Variants in DLGAP1 observed in about 807,000 individuals in gnomAD.
The protein encoded by DLGAP1 is disks large-associated protein 1.
DLGAP1 carries 11 observed loss-of-function variants against 90.8 expected under a neutral mutation model. The ratio of observed to expected loss-of-function variants is 0.12; its 90% CI spans 0.08 to 0.20. DLGAP1 has a LOEUF of 0.20. Among genes scored for constraint, DLGAP1 ranks in the 10% least tolerant of loss-of-function variants. The probability of loss-of-function intolerance (pLI) is 1.00; values close to 1 mark genes in which losing one functional copy is unlikely to be tolerated. For missense variants in DLGAP1, 1,050 were observed against 1,333.8 expected (o/e 0.79, Z 3.31); for synonymous variants, 558 against 540.7 (o/e 1.03, Z -0.44).
At chr18:4,269,354 A>ATATTTT (rs1247401948) in intron 1 of DLGAP1, among the ~76,000 whole-genome samples, 49 of 132,108 alleles carry the variant, frequency 3.7e-4, no homozygotes, top group Admixed American at 1.8e-3. Flanking sequence ...ATATATATAT[A>ATATTTT]TTTTTTTTTT....
chr18:4,198,510 C>T (rs1410680932), intron 1 of DLGAP1, among the ~76,000 whole-genome samples: 3 of 152,152 alleles, frequency 2.0e-5, no homozygotes, highest in Non-Finnish European at 2.9e-5. Context: ...ACATTTAACG[C>T]ATCAGACAGT....
intron 1 of DLGAP1, among the ~76,000 whole-genome samples, chr18:4,392,890 C>T (rs182998333): frequency 1.4e-4 from 21 of 152,260 alleles, no homozygotes; most frequent in African/African-American, 3.6e-4. Flanking sequence ...ATGGCACTCC[C>T]GGCCAACCAT....
intron 3 of DLGAP1, among the ~76,000 whole-genome samples, chr18:3,964,359 A>G (rs999553620): frequency 5.3e-5 from 8 of 152,214 alleles, no homozygotes; most frequent in Admixed American, 3.9e-4. Flanking sequence ...CCTGTTAATG[A>G]TGTGAACTGG....
At chr18:3,990,631 A>G (rs904877974) in intron 3 of DLGAP1, among the ~76,000 whole-genome samples, 1 of 47,222 alleles carries the variant, frequency 2.1e-5, no homozygotes, top group Non-Finnish European at 7.9e-5. Context: ...CTTAAAATAT[A>G]ATAATAATAA....
chr18:3,732,133 T>C (rs886948074), intron 6 of DLGAP1, among the ~76,000 whole-genome samples: 2 of 152,236 alleles, frequency 1.3e-5, no homozygotes, highest in African/African-American at 4.8e-5. Flanking sequence ...GAGGTTCCCA[T>C]AGTCTGGGTT....
intron 2 of DLGAP1, among the ~76,000 whole-genome samples, chr18:4,140,415 C>A (rs565796027): frequency 6.6e-6 from 1 of 151,972 alleles, no homozygotes; most frequent in Non-Finnish European, 1.5e-5. Flanking sequence ...AATAAAAACT[C>A]TACACTTTAA....
At chr18:3,502,244 T>G in intron 12 of DLGAP1, 1 of 1,355,388 alleles carries the variant, frequency 7.4e-7, no homozygotes, top group African/African-American at 1.5e-5. Flanking sequence ...AAAGTTTAAT[T>G]AACAAAAAAA....
chr18:3,835,111 T>G (rs562322183), intron 4 of DLGAP1, among the ~76,000 whole-genome samples: 1 of 152,342 alleles, frequency 6.6e-6, no homozygotes, highest in South Asian at 2.1e-4. Context: ...ATATGGCCTG[T>G]GTCAGTCTGT....
chr18:3,646,097 A>G (rs2059106367), intron 7 of DLGAP1, among the ~76,000 whole-genome samples: 1 of 152,178 alleles, frequency 6.6e-6, no homozygotes, highest in Non-Finnish European at 1.5e-5. Context: ...CTCCAAAACA[A>G]TATTTTTAAA....
At chr18:4,133,542 G>A (rs1489781150) in intron 2 of DLGAP1, among the ~76,000 whole-genome samples, 2 of 152,078 alleles carry the variant, frequency 1.3e-5, no homozygotes, top group East Asian at 3.9e-4. Context: ...TTTATACATG[G>A]CCACAGGAAG....
intron 7 of DLGAP1, among the ~76,000 whole-genome samples, chr18:3,592,889 AAAAAGAAAAAG>A (rs2056352537): frequency 1.5e-4 from 9 of 59,634 alleles, no homozygotes; most frequent in Non-Finnish European, 2.4e-4. Flanking sequence ...AAAGAAAAAG[AAAAAGAAAAAG>A]AAAAAGAAAA....
intron 2 of DLGAP1, among the ~76,000 whole-genome samples, chr18:4,061,356 T>C (rs35325872): frequency 0.44 from 65,748 of 149,082 alleles, 15,193 homozygotes; most frequent in African/African-American, 0.61. Flanking sequence ...TTGAGGAAGT[T>C]GTGGAAGGTT....
At chr18:4,053,249 C>T (rs1309447238) in intron 2 of DLGAP1, among the ~76,000 whole-genome samples, 2 of 152,128 alleles carry the variant, frequency 1.3e-5, no homozygotes, top group Admixed American at 1.3e-4. Flanking sequence ...GCTGGTGAGG[C>T]CTCAGGAAAC....
In DLGAP1 at chr18:3,499,418, A is replaced by G. The variant is rs2049811805; in HGVS notation, c.2725-24T>C. The G allele has an allele frequency of 6.5e-7, 1 of 1,547,530 alleles. No homozygotes were observed. The highest frequency in any genetic ancestry group is 8.7e-7 in the Non-Finnish European group (1 of 1,145,828). On this transcript the variant is annotated intron_variant, in intron 12 of 12. Transcript: ENST00000315677. This position sits in a 1 kb window ranked among gnomAD's most constrained non-coding sequence, Gnocchi z 6.4. ...TCCTGATCAAAGCAGAAGGTTCAGG[A>G]CATTACACAGCTTCTCAGGACAAGC...
chr18:3,570,966 C>G (rs12954924), intron 8 of DLGAP1, among the ~76,000 whole-genome samples: 6 of 150,080 alleles, frequency 4.0e-5, no homozygotes, highest in African/African-American at 1.5e-4. Flanking sequence ...ACAGAACAAA[C>G]CAAAACAAAA....
chr18:3,721,158 C>A (rs965499299), intron 7 of DLGAP1, among the ~76,000 whole-genome samples: 23 of 152,082 alleles, frequency 1.5e-4, no homozygotes, highest in Admixed American at 1.4e-3. Flanking sequence ...TTCTGATTGA[C>A]CTTTGTAACT....
chr18:3,932,915 T>C (rs1475544107), intron 3 of DLGAP1, among the ~76,000 whole-genome samples: 2 of 152,134 alleles, frequency 1.3e-5, no homozygotes, highest in Non-Finnish European at 2.9e-5. Context: ...CATGCCTGAT[T>C]CCTACTGAAG....
chr18:3,647,470 CT>C (rs752082348), intron 7 of DLGAP1, among the ~76,000 whole-genome samples: 13,608 of 142,458 alleles, frequency 0.096, 1,092 homozygotes, highest in African/African-American at 0.22. Flanking sequence ...ATTTAAGCTC[CT>C]TTTTTTTTTT....
At chr18:3,889,984 G>A (rs2071417780) in intron 3 of DLGAP1, among the ~76,000 whole-genome samples, 1 of 152,204 alleles carries the variant, frequency 6.6e-6, no homozygotes, top group Admixed American at 6.5e-5. Flanking sequence ...TGTAGGTCTA[G>A]TCAGGCCTGG....
Sources: gnomAD v4.1 joint callset for allele counts (sites outside exome capture counted in the v4.1 genomes callset) on GRCh38, gnomAD v4.1.1 for gene constraint, Gnocchi (gnomAD v3.1) non-coding constraint, MANE v1.5 for transcripts, NCBI Gene and HGNC (gene_info 2026-07-23, HGNC 2026-07-21) for gene names.